The following SPATA6 variants were observed in gnomAD, a reference collection of about 807,000 sequenced individuals.
SPATA6 encodes spermatogenesis associated 6.
In SPATA6, 56 loss-of-function variants were observed where a neutral mutation model predicts 65.3. The observed-to-expected ratio is 0.86, with a 90% CI of 0.69 to 1.07. The LOEUF (loss-of-function observed/expected upper bound fraction) is 1.07. SPATA6 is among the 50% of genes least tolerant of loss of function. SPATA6 has a pLI of 0.00. For missense variants in SPATA6, 590 were observed against 594.8 expected (o/e 0.99, Z 0.08); for synonymous variants, 199 against 213.2 (o/e 0.93, Z 0.58).
At chr1:48,307,865 G>T (rs1403851889) in intron 11 of SPATA6, among the ~76,000 whole-genome samples, 2 of 151,694 alleles carry the variant, frequency 1.3e-5, no homozygotes, top group African/African-American at 2.4e-5. Flanking sequence ...GTATTAGTAA[G>T]AAAAAAATTC....
chr1:48,370,234 C>T (rs914555150), intron 9 of SPATA6, among the ~76,000 whole-genome samples: 14 of 152,148 alleles, frequency 9.2e-5, no homozygotes, highest in African/African-American at 3.4e-4. Context: ...AGTTTCTCTT[C>T]TGTCATAGGG....
rs1043415333 is a variant in SPATA6, at chr1:48,366,902, G to A, written c.910-7132C>T. Among the ~76,000 whole-genome samples, 55 of 152,036 alleles carry A rather than the reference G, an allele frequency of 3.6e-4. 1 individual carries two copies. The highest frequency in any genetic ancestry group is 1.9e-3 in the South Asian group (9 of 4,812). On this transcript the variant is annotated intron_variant, in intron 9 of 12. Transcript: ENST00000371847. ...ATTGTGATGTTAGGGTGTCAATTTT[G>A]CATCTTTCCTGCTTTGTCTTGTGGG...
At chr1:48,271,610 T>C in the SPATA6 span, among the ~76,000 whole-genome samples, 1 of 152,106 alleles carries the variant, frequency 6.6e-6, no homozygotes, top group Non-Finnish European at 1.5e-5. Flanking sequence ...AAAATTTGAT[T>C]GAACAACTAG....
chr1:48,417,495 T>C (rs547388881), intron 3 of SPATA6, among the ~76,000 whole-genome samples: 1 of 152,280 alleles, frequency 6.6e-6, no homozygotes, highest in South Asian at 2.1e-4. Flanking sequence ...TGAGTCTCAA[T>C]TCAAACACAA....
intron 9 of SPATA6, among the ~76,000 whole-genome samples, chr1:48,371,413 A>G (rs1647275848): frequency 6.6e-6 from 1 of 152,182 alleles, no homozygotes; most frequent in South Asian, 2.1e-4. Flanking sequence ...TTTACTGCAT[A>G]TAATATTTAT....
chr1:48,288,157 G>A, the SPATA6 span, among the ~76,000 whole-genome samples: 1 of 152,150 alleles, frequency 6.6e-6, no homozygotes, highest in South Asian at 2.1e-4. Flanking sequence ...ATATCACTTG[G>A]TTGTGGTGTA....
chr1:48,366,402 A>G (rs542834160), intron 9 of SPATA6, among the ~76,000 whole-genome samples: 2 of 152,296 alleles, frequency 1.3e-5, no homozygotes, highest in African/African-American at 4.8e-5. Context: ...CTCTGGTAGA[A>G]TTCGGCTGTG....
At chr1:48,460,738 C>T (rs1163287268) in intron 1 of SPATA6, among the ~76,000 whole-genome samples, 1 of 59,238 alleles carries the variant, frequency 1.7e-5, no homozygotes, top group African/African-American at 3.4e-5. Flanking sequence ...TCAATATATA[C>T]CGGTAAGAAT....
At chr1:48,373,150 CA>C (rs1647490306) in intron 9 of SPATA6, among the ~76,000 whole-genome samples, 1 of 152,202 alleles carries the variant, frequency 6.6e-6, no homozygotes, top group African/African-American at 2.4e-5. Context: ...AGTCAGGCTA[CA>C]AATTTTCCAA....
intron 11 of SPATA6, among the ~76,000 whole-genome samples, chr1:48,306,929 G>A (rs529243585): frequency 6.6e-6 from 1 of 151,352 alleles, no homozygotes; most frequent in Non-Finnish European, 1.5e-5. Flanking sequence ...AACTTATTTG[G>A]TCTACTATTC....
the SPATA6 span, among the ~76,000 whole-genome samples, chr1:48,289,691 T>C: frequency 2.6e-5 from 4 of 152,202 alleles, no homozygotes; most frequent in Non-Finnish European, 5.9e-5. Flanking sequence ...GCACAAGAAC[T>C]ACTTGATGCA....
At chr1:48,299,530 A>AAAAAAAAAAAAAAAAAAAAAT (rs1644883573) in intron 12 of SPATA6, among the ~76,000 whole-genome samples, 1 of 149,690 alleles carries the variant, frequency 6.7e-6, no homozygotes, top group Non-Finnish European at 1.5e-5. Context: ...AAAAAAAAAA[A>AAAAAAAAAAAAAAAAAAAAAT]AAAAAAAGAA....
chr1:48,399,429 C>T lies in SPATA6; in HGVS notation c.702G>A (p.Arg234=). The T allele has an allele frequency of 1.9e-6, 3 of 1,613,280 alleles. No individual in the cohort carries two copies. Among genetic ancestry groups the T allele is most frequent in the Non-Finnish European group, 2.5e-6 (3 of 1,179,512 alleles). Residue 234 remains arginine, a synonymous_variant, in exon 7 of 13, where the codon AGG becomes AGA. Coordinates refer to ENST00000371847, the MANE Select transcript of SPATA6 (RefSeq NM_019073.4). ...CCAGATTTAAATGGGCCAGCCGCCG[C>T]CTGGTGTCTTCAGATAGCTCACACA... ...RRMCELSEDT[R]RRLAHLNLGP...
At chr1:48,435,364 A>C (rs1380627463) in intron 3 of SPATA6, among the ~76,000 whole-genome samples, 1 of 151,824 alleles carries the variant, frequency 6.6e-6, no homozygotes, top group Non-Finnish European at 1.5e-5. Flanking sequence ...AGCACTCTGT[A>C]AAGACACACC....
intron 3 of SPATA6, among the ~76,000 whole-genome samples, chr1:48,446,387 G>C (rs1424995991): frequency 1.3e-5 from 2 of 152,190 alleles, no homozygotes; most frequent in Non-Finnish European, 2.9e-5. Context: ...CATCCAAAGA[G>C]AGGCCAGCTG....
At chr1:48,313,727 C>G (rs1216785436) in intron 11 of SPATA6, among the ~76,000 whole-genome samples, 3 of 152,062 alleles carry the variant, frequency 2.0e-5, no homozygotes, top group East Asian at 1.9e-4. Context: ...GCTAAATATT[C>G]CAATTAAAAG....
At chr1:48,322,213 A>C (rs543965390) in intron 11 of SPATA6, among the ~76,000 whole-genome samples, 8 of 152,264 alleles carry the variant, frequency 5.3e-5, no homozygotes, top group African/African-American at 1.4e-4. Context: ...GAATTAAATA[A>C]AACAATACAA....
At chr1:48,280,510 G>A in the SPATA6 span, among the ~76,000 whole-genome samples, 9 of 151,992 alleles carry the variant, frequency 5.9e-5, no homozygotes, top group East Asian at 1.9e-4. Context: ...TATCACCACC[G>A]ATCACACAGA....
the SPATA6 span, among the ~76,000 whole-genome samples, chr1:48,270,338 C>A: frequency 1.2e-4 from 18 of 152,028 alleles, no homozygotes; most frequent in Non-Finnish European, 1.5e-5. Flanking sequence ...GGTTTTAATG[C>A]GTAAAGGTAA....
Sources: allele counts gnomAD v4.1 joint callset (sites outside exome capture counted in the v4.1 genomes callset), GRCh38; gene constraint gnomAD v4.1.1; transcripts MANE v1.5; gene names NCBI Gene and HGNC (gene_info 2026-07-23, HGNC 2026-07-21).